DOCK8: variants seen among roughly 807,000 people sequenced by gnomAD.
DOCK8 encodes dedicator of cytokinesis protein 8.
In DOCK8, 141 loss-of-function variants were observed where a neutral mutation model predicts 245.6. That is an observed-to-expected ratio of 0.57 (90% CI 0.50 to 0.66). DOCK8 has a LOEUF of 0.66. Among genes scored for constraint, DOCK8 ranks in the 30% least tolerant of loss-of-function variants. The pLI is 0.00. For missense variants in DOCK8, 2,965 were observed against 2,603.4 expected (o/e 1.14, Z -3.02); for synonymous variants, 1,168 against 970.2 (o/e 1.20, Z -3.79).
intron 23 of DOCK8, 64 bp downstream of exon 23, chr9:386,490 C>G: frequency 7.0e-7 from 1 of 1,428,746 alleles, no homozygotes; most frequent in South Asian, 1.2e-5. Flanking sequence ...CTCATGCCCT[C>G]ACACTGTGCT....
intron 14 of DOCK8, among the ~76,000 whole-genome samples, chr9:341,955 A>G (rs575059598): frequency 6.6e-6 from 1 of 152,318 alleles, no homozygotes; most frequent in African/African-American, 2.4e-5. Flanking sequence ...TGAGAATCTA[A>G]TGCCTGATAT....
At chr9:233,960 G>A (rs1407427856) in intron 1 of DOCK8, among the ~76,000 whole-genome samples, 1 of 152,142 alleles carries the variant, frequency 6.6e-6, no homozygotes, top group African/African-American at 2.4e-5. Context: ...TGGTTATTTT[G>A]CTGGTTAGTT....
intron 2 of DOCK8, chr9:277,001 G>A (rs1011191749): frequency 1.5e-5 from 5 of 331,056 alleles, no homozygotes; most frequent in African/African-American, 4.4e-5. Context: ...TAGAGACGGA[G>A]TTTCTCCATG....
intron 2 of DOCK8, among the ~76,000 whole-genome samples, chr9:285,137 A>C (rs1210948247): frequency 6.6e-6 from 1 of 152,112 alleles, no homozygotes; most frequent in Non-Finnish European, 1.5e-5. Flanking sequence ...TATTTTGCCT[A>C]ATTTGCAGCT....
chr9:375,912 A>T (rs2053495200), intron 18 of DOCK8, among the ~76,000 whole-genome samples: 1 of 152,296 alleles, frequency 6.6e-6, no homozygotes, highest in Non-Finnish European at 1.5e-5. Context: ...CGGGAGGATC[A>T]TTTGAGCCCA....
At chr9:422,481 T>G (rs1338424137) in intron 33 of DOCK8, among the ~76,000 whole-genome samples, 1 of 152,232 alleles carries the variant, frequency 6.6e-6, no homozygotes, top group Non-Finnish European at 1.5e-5. Flanking sequence ...CAAATCGATA[T>G]TTCCTTTCTG....
intron 2 of DOCK8, among the ~76,000 whole-genome samples, chr9:281,387 T>G (rs2048578876): frequency 6.6e-6 from 1 of 152,220 alleles, no homozygotes. Flanking sequence ...TAAACTAGTC[T>G]TTGGTCTCCA....
intron 28 of DOCK8, among the ~76,000 whole-genome samples, chr9:412,309 G>C (rs1358297605): frequency 6.6e-6 from 1 of 151,434 alleles, no homozygotes; most frequent in African/African-American, 2.4e-5. Flanking sequence ...GGAGGTTGAG[G>C]CTGGAGAATT....
intron 31 of DOCK8, 45 bp downstream of exon 31, chr9:420,628 A>G (rs1216501106): frequency 6.8e-6 from 11 of 1,609,962 alleles, no homozygotes; most frequent in African/African-American, 2.7e-5. Context: ...TTATCTCTCA[A>G]TTGCAATTCT....
At chr9:339,122 C>G in intron 13 of DOCK8, 23 bp downstream of exon 13, 1 of 1,602,750 alleles carries the variant, frequency 6.2e-7, no homozygotes, top group South Asian at 1.1e-5. Flanking sequence ...TATCTTTATC[C>G]TCTTTAGCTG....
At chr9:325,793 T>G in intron 8 of DOCK8, 56 bp downstream of exon 8, 5 of 1,447,978 alleles carry the variant, frequency 3.5e-6, no homozygotes, top group Non-Finnish European at 3.8e-6. Flanking sequence ...CATGATTCTT[T>G]GCATGTATGT....
chr9:377,477 C>A (rs1042332974), intron 20 of DOCK8, among the ~76,000 whole-genome samples: 11 of 152,078 alleles, frequency 7.2e-5, no homozygotes, highest in Non-Finnish European at 1.2e-4. Context: ...TTTAAAATTC[C>A]ATTTCTGGTA....
At chr9:317,003 G>T in intron 6 of DOCK8, 40 bp from the exon 7 acceptor site, 1 of 1,512,450 alleles carries the variant, frequency 6.6e-7, no homozygotes, top group Non-Finnish European at 9.2e-7. Context: ...GCTCCCCACA[G>T]AATTCACTAA....
At position 286,299 on chromosome 9, in the gene DOCK8, A is replaced by G. The variant is rs1158883865; in HGVS notation, c.157-162A>G. Among the ~76,000 whole-genome samples, 3 of 152,110 alleles carry G rather than the reference A, an allele frequency of 2.0e-5. No homozygotes were observed. The East Asian group carries it at 5.8e-4, about 29-fold the overall frequency. On this transcript the variant is annotated intron_variant, in intron 2 of 47. Transcript: ENST00000432829. ...GTGCTGCATTTTTTTCCATATCACTACTTCTGTGTTTGACAGCTCCTCCAA... is the reference window on the plus strand; with the variant it reads ...GTGCTGCATTTTTTTCCATATCACTGCTTCTGTGTTTGACAGCTCCTCCAA...
At chr9:215,355 G>T (rs1199660368) in intron 1 of DOCK8, 1 of 1,599,748 alleles carries the variant, frequency 6.3e-7, no homozygotes, top group African/African-American at 1.4e-5. Context: ...AGGGTGATAG[G>T]CGCCTGGGTA....
chr9:322,630 T>C (rs547873524), intron 7 of DOCK8, among the ~76,000 whole-genome samples: 1 of 152,362 alleles, frequency 6.6e-6, no homozygotes, highest in South Asian at 2.1e-4. Flanking sequence ...ATTTTAAGTC[T>C]TTAATAAATG....
chr9:289,085 T>G (rs1017056140), intron 3 of DOCK8, among the ~76,000 whole-genome samples: 13 of 152,150 alleles, frequency 8.5e-5, no homozygotes, highest in African/African-American at 1.2e-4. Context: ...CAACTGTTCT[T>G]TTTCCTGGCT....
intron 4 of DOCK8, among the ~76,000 whole-genome samples, chr9:303,395 T>A (rs748450584): frequency 1.2e-4 from 18 of 152,158 alleles, no homozygotes; most frequent in Non-Finnish European, 1.9e-4. Context: ...TAGATGCCCA[T>A]CGACAGTGGA....
intron 7 of DOCK8, among the ~76,000 whole-genome samples, chr9:324,947 A>T (rs1405503242): frequency 1.3e-5 from 2 of 152,056 alleles, no homozygotes; most frequent in Non-Finnish European, 2.9e-5. Flanking sequence ...TGTACCCAGT[A>T]TGTAGTTTTT....
Sources: gnomAD v4.1 joint callset for allele counts (sites outside exome capture counted in the v4.1 genomes callset) on GRCh38, gnomAD v4.1.1 for gene constraint, MANE v1.5 for transcripts, NCBI Gene and HGNC (gene_info 2026-07-23, HGNC 2026-07-21) for gene names.